Variants in CNIH3 observed in about 807,000 individuals in gnomAD.
CNIH3 encodes cornichon family AMPA receptor auxiliary protein 3.
Under a neutral mutation model 24.1 loss-of-function variants are expected in CNIH3, and 14 were observed. The ratio of observed to expected loss-of-function variants is 0.58; its 90% confidence interval spans 0.38 to 0.91. The LOEUF (loss-of-function observed/expected upper bound fraction) is 0.91, where lower values mean the gene tolerates loss of function less well. Ranked by LOEUF, CNIH3 falls within the 40% of genes least tolerant of loss-of-function variation. The probability of loss-of-function intolerance (pLI) is 0.00; values close to 1 mark genes in which losing one functional copy is unlikely to be tolerated. For missense variants in CNIH3, 178 were observed against 196.8 expected, an observed-to-expected ratio of 0.90 and a Z score of 0.57; for synonymous variants, 68 against 73.8, an observed-to-expected ratio of 0.92 and a Z score of 0.40.
intron 3 of CNIH3, among the ~76,000 whole-genome samples, chr1:224,711,234 T>C (rs1369991201): frequency 1.3e-5 from 2 of 152,254 alleles, no homozygotes; most frequent in Non-Finnish European, 2.9e-5. Flanking sequence ...AACAAAATGG[T>C]ATTTAACATA....
intron 1 of CNIH3, among the ~76,000 whole-genome samples, chr1:224,441,187 T>C (rs1674895715): frequency 1.3e-5 from 2 of 152,230 alleles, no homozygotes; most frequent in South Asian, 4.1e-4. Context: ...TTTCTTTCTT[T>C]TTTATTAATG....
exon 1 of CNIH3, chr1:224,434,667 G>A (rs1444735853): frequency 1.4e-5 from 12 of 833,776 alleles, no homozygotes; most frequent in Non-Finnish European, 1.7e-5. Flanking sequence ...GCCCGCCGCT[G>A]GGCTGAGCCC....
intron 2 of CNIH3, among the ~76,000 whole-genome samples, chr1:224,536,284 CTTTTTT>C (rs373201561): frequency 1.2e-5 from 1 of 86,046 alleles, no homozygotes; most frequent in Admixed American, 1.4e-4. Flanking sequence ...TAATTGTTGT[CTTTTTT>C]TTTTTTTTTT....
At position 224,617,275 on chromosome 1, in the gene CNIH3, C is replaced by T. The variant is rs1683054213; in HGVS notation, c.81+20C>T. On this transcript the variant is annotated intron_variant, in intron 1 of 5. Transcript: ENST00000272133. ...TGGCACGTGAGTAACACGCTTTGGTCTCTCTTCTTTCGCCCCAATTTCGCT... is the reference window on the plus strand; with the variant it reads ...TGGCACGTGAGTAACACGCTTTGGTTTCTCTTCTTTCGCCCCAATTTCGCT... The T allele has an allele frequency of 1.9e-6, 3 of 1,611,980 alleles. No homozygotes were observed. Among genetic ancestry groups the T allele is most frequent in the African/African-American group, 1.3e-5 (1 of 74,850 alleles).
chr1:224,483,780 C>T lies in CNIH3; in HGVS notation n.204-31961C>T, dbSNP rs533794015. Reference sequence around the variant, plus strand: ...CCTGTGGGGGATGACAATCAGTAAACGCTTCTATTCTGCAACCTTGGTCTG... The same window carrying T: ...CCTGTGGGGGATGACAATCAGTAAATGCTTCTATTCTGCAACCTTGGTCTG... On this transcript the variant is annotated intron_variant and non_coding_transcript_variant, in intron 1 of 5. Transcript: ENST00000471578. 1.3e-4 allele frequency among the ~76,000 whole-genome samples: 20 copies of T among 152,222 alleles called. No individual in the cohort carries two copies. In the South Asian group the frequency reaches 1.7e-3, roughly 13 times the overall value.
intron 3 of CNIH3, among the ~76,000 whole-genome samples, chr1:224,548,515 C>T (rs374844425): frequency 6.6e-6 from 1 of 151,314 alleles, no homozygotes; most frequent in South Asian, 2.1e-4. Context: ...TTCATAATAT[C>T]GATAAAAGAT....
chr1:224,640,661 G>A (rs1489637016), intron 1 of CNIH3, among the ~76,000 whole-genome samples: 1 of 152,228 alleles, frequency 6.6e-6, no homozygotes, highest in Non-Finnish European at 1.5e-5. Context: ...GGCTGGAGGA[G>A]CAAGTGAAGT....
intron 3 of CNIH3, among the ~76,000 whole-genome samples, chr1:224,728,402 C>G (rs1187014957): frequency 6.6e-6 from 1 of 152,100 alleles, no homozygotes; most frequent in East Asian, 1.9e-4. Flanking sequence ...CCCCCTCCTG[C>G]CAGGTGGTTG....
At chr1:224,521,227 G>A (rs900395226) in exon 2 of CNIH3, 8 of 152,114 alleles carry the variant, frequency 5.3e-5, no homozygotes, top group African/African-American at 9.7e-5. Context: ...CAAGGGGAGC[G>A]TGCATGTTGT....
chr1:224,505,567 A>G (rs1263220015), intron 1 of CNIH3, among the ~76,000 whole-genome samples: 1 of 152,218 alleles, frequency 6.6e-6, no homozygotes, highest in Non-Finnish European at 1.5e-5. Context: ...CAGGAAAATC[A>G]AACCCCTAGG....
chr1:224,590,220 C>T (rs1027607111), downstream of CNIH3, among the ~76,000 whole-genome samples: 4 of 152,274 alleles, frequency 2.6e-5, no homozygotes, highest in South Asian at 8.3e-4. Context: ...TAAAGTAGAC[C>T]ATGAATAAAT....
chr1:224,684,807 G>A lies in CNIH3; in HGVS notation c.162G>A (p.Leu54=). The A allele has an allele frequency of 1.2e-6, 2 of 1,614,144 alleles. No homozygotes were observed. The highest frequency in any genetic ancestry group is 2.2e-5 in the East Asian group (1 of 44,878). ...GTGCATCCTGATAGAGGGAACGGTT[G>A]AGGAACATCGAGCGCATCTGCTTCC... The part of the protein sequence containing the change: ...QCNPVHARER[L]RNIERICFLL... The change falls in exon 3 of 6, where the codon TTG becomes TTA. Residue 54 remains leucine (L), a synonymous_variant. Coordinates refer to ENST00000272133, the MANE Select transcript of CNIH3 (RefSeq NM_152495.2). The surrounding 1 kb of genome is among the most constrained non-coding windows in gnomAD (Gnocchi z 4.2).
At chr1:224,694,448 T>TA (rs1329904241) in intron 3 of CNIH3, among the ~76,000 whole-genome samples, 1 of 152,322 alleles carries the variant, frequency 6.6e-6, no homozygotes, top group African/African-American at 2.4e-5. Flanking sequence ...TGATTAAACA[T>TA]ACGACTCCGC....
intron 1 of CNIH3, among the ~76,000 whole-genome samples, chr1:224,642,831 T>C (rs564497995): frequency 6.6e-6 from 1 of 152,376 alleles, no homozygotes; most frequent in East Asian, 1.9e-4. Flanking sequence ...CTTGCATCTC[T>C]GCATCGAAAG....
intron 1 of CNIH3, among the ~76,000 whole-genome samples, chr1:224,449,150 G>C (rs11584860): frequency 6.6e-6 from 1 of 151,906 alleles, no homozygotes; most frequent in East Asian, 1.9e-4. Flanking sequence ...ATTTTTAGTA[G>C]AGATGGGGTT....
At chr1:224,712,226 C>T (rs565666672) in intron 3 of CNIH3, among the ~76,000 whole-genome samples, 1 of 152,292 alleles carries the variant, frequency 6.6e-6, no homozygotes, top group East Asian at 1.9e-4. Context: ...TGCATATGCA[C>T]AGCATTTAAA....
chr1:224,612,433 C>G (rs756178675), upstream of CNIH3, among the ~76,000 whole-genome samples: 1 of 151,966 alleles, frequency 6.6e-6, no homozygotes, highest in Non-Finnish European at 1.5e-5. This position sits in a 1 kb window ranked among gnomAD's most constrained non-coding sequence, Gnocchi z 4.7. Context: ...GCGCTAGGGG[C>G]AAAAGTCAGA....
chr1:224,691,811 G>A (rs2125160006), intron 3 of CNIH3, among the ~76,000 whole-genome samples: 1 of 152,196 alleles, frequency 6.6e-6, no homozygotes, highest in East Asian at 1.9e-4. Flanking sequence ...TTCTAAAAGG[G>A]GAAAACTTTT....
chr1:224,474,650 A>G (rs373952093), intron 1 of CNIH3, among the ~76,000 whole-genome samples: 8 of 152,276 alleles, frequency 5.3e-5, no homozygotes, highest in African/African-American at 1.9e-4. Flanking sequence ...ACAAAAGATC[A>G]ATGAAACAAA....
Sources: allele counts gnomAD v4.1 joint callset (sites outside exome capture counted in the v4.1 genomes callset), GRCh38; gene constraint gnomAD v4.1.1; non-coding constraint Gnocchi (gnomAD v3.1); transcripts MANE v1.5; gene names NCBI Gene and HGNC (gene_info 2026-07-23, HGNC 2026-07-21).